The following TLN2 variants were observed in gnomAD, a reference collection of about 807,000 sequenced individuals.
TLN2 encodes the protein talin-2.
TLN2 carries 118 observed loss-of-function variants against 294.7 expected under a neutral mutation model. The observed-to-expected ratio is 0.40, with a 90% CI of 0.34 to 0.47. The LOEUF (loss-of-function observed/expected upper bound fraction) is 0.47, where lower values mean the gene tolerates loss of function less well. Ranked by LOEUF, TLN2 falls within the 20% of genes least tolerant of loss-of-function variation. The pLI, the probability that TLN2 is intolerant of heterozygous loss-of-function variation, is 0.84. For synonymous variants in TLN2, 1,431 were observed against 1,304.5 expected, an observed-to-expected ratio of 1.10 and a Z score of -2.09; for missense variants, 3,083 against 3,282.2, an observed-to-expected ratio of 0.94 and a Z score of 1.48.
intron 32 of TLN2, among the ~76,000 whole-genome samples, chr15:62,743,068 TC>T (rs929967326): frequency 6.6e-6 from 1 of 152,176 alleles, no homozygotes; most frequent in Non-Finnish European, 1.5e-5. Flanking sequence ...TTTATAACCC[TC>T]ATTATGTGGC....
chr15:62,431,608 G>A (rs1269763482), intron 1 of TLN2, among the ~76,000 whole-genome samples: 3 of 152,230 alleles, frequency 2.0e-5, no homozygotes, highest in Non-Finnish European at 2.9e-5. Flanking sequence ...ACATTGACAA[G>A]TGGCTTGTTT....
intron 22 of TLN2, among the ~76,000 whole-genome samples, chr15:62,714,925 C>T (rs1311562734): frequency 6.6e-6 from 1 of 152,174 alleles, no homozygotes. Context: ...GCTCAAAATA[C>T]ATAAAATTAG....
At chr15:62,440,086 T>C (rs1397285334) in intron 1 of TLN2, among the ~76,000 whole-genome samples, 2 of 152,140 alleles carry the variant, frequency 1.3e-5, no homozygotes, top group East Asian at 1.9e-4. Context: ...TTTACAGATG[T>C]TCATGAAGAA....
At chr15:62,440,609 C>T (rs1368805375) in intron 1 of TLN2, among the ~76,000 whole-genome samples, 2 of 152,184 alleles carry the variant, frequency 1.3e-5, no homozygotes, top group African/African-American at 4.8e-5. Flanking sequence ...GTTTCCATGG[C>T]AACCTCTCTT....
At chr15:62,446,780 G>A (rs977574689) in intron 1 of TLN2, among the ~76,000 whole-genome samples, 1 of 152,156 alleles carries the variant, frequency 6.6e-6, no homozygotes, top group African/African-American at 2.4e-5. Context: ...GGGCTGTAGG[G>A]TATTCAAAGA....
intron 1 of TLN2, among the ~76,000 whole-genome samples, chr15:62,397,381 C>T (rs748350940): frequency 2.6e-5 from 4 of 152,214 alleles, no homozygotes; most frequent in African/African-American, 9.6e-5. Flanking sequence ...CCTCGGCCTC[C>T]TGTGAAACTG....
chr15:62,571,183 C>A (rs576148595), intron 1 of TLN2, among the ~76,000 whole-genome samples: 1 of 152,138 alleles, frequency 6.6e-6, no homozygotes, highest in Non-Finnish European at 1.5e-5. Flanking sequence ...TGAGGGTGCT[C>A]GGGAGATGAG....
intron 45 of TLN2, among the ~76,000 whole-genome samples, chr15:62,788,458 AAG>A (rs2141104895): frequency 6.6e-6 from 1 of 152,264 alleles, no homozygotes; most frequent in East Asian, 1.9e-4. Context: ...AAGTAATGGT[AAG>A]AGAGTTATTA....
At chr15:62,454,126 C>T (rs2036322986) in intron 1 of TLN2, among the ~76,000 whole-genome samples, 1 of 152,170 alleles carries the variant, frequency 6.6e-6, no homozygotes, top group Admixed American at 6.5e-5. Context: ...GGTTTTGAAG[C>T]CCTAGCATTT....
rs1211620276 is a variant in TLN2, at chr15:62,826,184, GCT to G, written c.7002+5575_7002+5576del. ...AAGAACCCTGTTATCTTTTGTCTGT[GCT>G]TTCTATATCGACATTCAAGGGCCCC... On this transcript the variant is annotated intron_variant, in intron 54 of 58. Coordinates refer to ENST00000636159, the MANE Select transcript of TLN2 (RefSeq NM_015059.3). Among the ~76,000 whole-genome samples, 4 of 151,908 alleles carry G rather than the reference GCT, an allele frequency of 2.6e-5. No homozygotes were observed. In the East Asian group the frequency reaches 7.8e-4, roughly 30 times the overall value.
intron 2 of TLN2, among the ~76,000 whole-genome samples, chr15:62,614,443 A>G (rs1328039129): frequency 6.6e-6 from 1 of 152,134 alleles, no homozygotes; most frequent in Non-Finnish European, 1.5e-5. Context: ...AGTTTTTGTA[A>G]ACTTTCAATT....
At chr15:62,480,141 G>A (rs936260119) in intron 1 of TLN2, among the ~76,000 whole-genome samples, 1 of 152,190 alleles carries the variant, frequency 6.6e-6, no homozygotes, top group Admixed American at 6.5e-5. Flanking sequence ...GCAGGTGGGT[G>A]GAAGGTGTTG....
At chr15:62,436,866 G>C (rs117089119) in intron 1 of TLN2, among the ~76,000 whole-genome samples, 1 of 152,198 alleles carries the variant, frequency 6.6e-6, no homozygotes, top group Non-Finnish European at 1.5e-5. Flanking sequence ...GGGACTACAA[G>C]CATGCATGCA....
intron 1 of TLN2, among the ~76,000 whole-genome samples, chr15:62,418,451 A>G (rs1452038785): frequency 6.6e-6 from 1 of 152,246 alleles, no homozygotes; most frequent in Non-Finnish European, 1.5e-5. Flanking sequence ...GTCACTGCCC[A>G]GAATGGTTAT....
intron 8 of TLN2, 82 bp downstream of exon 8, chr15:62,656,168 G>A (rs373858997): frequency 5.8e-6 from 9 of 1,545,478 alleles, no homozygotes; most frequent in African/African-American, 1.4e-5. Flanking sequence ...GCAGGAGGGC[G>A]GCGCTGGCTT....
intron 20 of TLN2, among the ~76,000 whole-genome samples, chr15:62,707,862 C>G (rs140672112): frequency 2.7e-4 from 41 of 152,168 alleles, no homozygotes; most frequent in Middle Eastern, 3.4e-3. Context: ...GCTTTCCCCT[C>G]TACTTCATGT....
At chr15:62,785,315 A>G (rs1022769007) in intron 45 of TLN2, among the ~76,000 whole-genome samples, 16 of 152,168 alleles carry the variant, frequency 1.1e-4, no homozygotes, top group African/African-American at 3.6e-4. Flanking sequence ...ATAATTTTGA[A>G]CTCCATAAAC....
chr15:62,396,580 C>G (rs910943112), intron 1 of TLN2, among the ~76,000 whole-genome samples: 1 of 152,166 alleles, frequency 6.6e-6, no homozygotes, highest in Non-Finnish European at 1.5e-5. Context: ...AACTGTTTCC[C>G]TCTGCCCCAG....
rs534043190 is a variant in TLN2 at position 62,714,366 on chromosome 15, C to A, written c.2635-1965C>A. ...TACAGGTGCCTGCCACCACGCCCGG[C>A]TAATTTTTTGTATTTTTAGTAGAGA... On this transcript the variant is annotated intron_variant, in intron 22 of 58. Coordinates refer to ENST00000636159, the MANE Select transcript of TLN2 (RefSeq NM_015059.3). Among the ~76,000 whole-genome samples the A allele has an allele frequency of 1.6e-3, 241 of 151,894 alleles. 1 individual carries two copies. Among genetic ancestry groups the A allele is most frequent in the African/African-American group, 5.6e-3 (234 of 41,422 alleles).
Sources: gnomAD v4.1 joint callset for allele counts (sites outside exome capture counted in the v4.1 genomes callset) on GRCh38, gnomAD v4.1.1 for gene constraint, MANE v1.5 for transcripts, NCBI Gene and HGNC (gene_info 2026-07-23, HGNC 2026-07-21) for gene names.